UGT1A9: variants seen among roughly 807,000 people sequenced by gnomAD.
UGT1A9 encodes UDP glucuronosyltransferase family 1 member A9, also known as UDP-glucuronosyltransferase 1A9.
UGT1A9 carries 35 observed loss-of-function variants against 45.0 expected under a neutral mutation model. The ratio of observed to expected loss-of-function variants is 0.78; its 90% CI spans 0.59 to 1.03. UGT1A9 has a LOEUF of 1.03. Among genes scored for constraint, UGT1A9 ranks in the 50% least tolerant of loss-of-function variants. The probability of loss-of-function intolerance (pLI) is 0.00; values close to 1 mark genes in which losing one functional copy is unlikely to be tolerated. For synonymous variants in UGT1A9, 278 were observed against 250.6 expected (o/e 1.11, Z -1.03); for missense variants, 687 against 666.6 (o/e 1.03, Z -0.34).
intron 1 of UGT1A9, chr2:233,755,024 G>C (rs533329516): frequency 1.5e-6 from 2 of 1,306,520 alleles, no homozygotes; most frequent in Admixed American, 3.8e-5. Context: ...GGTCCTTGAA[G>C]GGCCTGCCGC....
In UGT1A9 at chr2:233,672,432, G is replaced by A. The variant is rs755127792; in HGVS notation, c.498G>A (p.Val166=). The A allele has an allele frequency of 4.2e-5, 68 of 1,613,756 alleles. No individual in the cohort carries two copies. The highest frequency in any genetic ancestry group is 5.4e-5 in the Non-Finnish European group (64 of 1,179,876). Residue 166 remains valine (V), a synonymous_variant, in exon 1 of 5, where the codon GTG becomes GTA. Transcript: ENST00000354728. Reference sequence around the variant, plus strand: ...CCAAATATTTCTCCCTCCCCTCCGTGGTCTTCGCCAGGGGAATACTTTGCC... The same window carrying A: ...CCAAATATTTCTCCCTCCCCTCCGTAGTCTTCGCCAGGGGAATACTTTGCC... ...IVAKYFSLPS[V]VFARGILCHY... is the part of the protein sequence containing the mutation.
At chr2:233,732,288 A>G (rs568891817) in intron 1 of UGT1A9, among the ~76,000 whole-genome samples, 10 of 152,250 alleles carry the variant, frequency 6.6e-5, no homozygotes, top group Non-Finnish European at 1.0e-4. Context: ...GAAGCTCTTT[A>G]GTTTAATTAG....
chr2:233,743,928 A>G, intron 1 of UGT1A9: 1 of 1,360,462 alleles, frequency 7.4e-7, no homozygotes. Context: ...CTGGATGGCC[A>G]GAACGGCCCA....
intron 1 of UGT1A9, chr2:233,741,833 G>A (rs1278091039): frequency 6.6e-6 from 1 of 151,848 alleles, no homozygotes; most frequent in Non-Finnish European, 1.5e-5. Flanking sequence ...ATCCAGTTCA[G>A]TTGCCTTTTG....
rs1358825451 is a variant in UGT1A9, at chr2:233,772,781, A to T, written c.*222A>T. ...TATCGTGCCCCCTCTGGTGTCTTTG[A>T]TCAGGATGACATGTGCCATTTTTCA... On this transcript the variant is annotated 3_prime_UTR_variant, in exon 5 of 5. Transcript: ENST00000354728. The T allele has an allele frequency of 2.3e-6, 3 of 1,287,486 alleles. No homozygotes were observed. Among genetic ancestry groups the T allele is most frequent in the Non-Finnish European group, 3.1e-6 (3 of 975,386 alleles). The allele number at this position is 1,287,486 out of a possible 1,614,324, so 79.8% of individuals were successfully genotyped here.
intron 1 of UGT1A9, chr2:233,682,805 C>G: frequency 6.3e-7 from 1 of 1,594,110 alleles, no homozygotes; most frequent in Non-Finnish European, 8.6e-7. Context: ...AAGTTATCTC[C>G]CCTTTAGCAC....
intron 1 of UGT1A9, chr2:233,713,413 T>C (rs749800314): frequency 6.2e-7 from 1 of 1,614,190 alleles, no homozygotes; most frequent in Non-Finnish European, 8.5e-7. Context: ...ATCAGGCACC[T>C]GCATGCTACT....
rs1249331325 is a variant in UGT1A9 at position 233,743,910 on chromosome 2, C to T, written c.856-23124C>T. ...GGCACGTCCAGCACCTCGTAGTAGT[C>T]CACCATGCTGGATGGCCAGAACGGC... On this transcript the variant is annotated intron_variant, in intron 1 of 4. Coordinates refer to ENST00000354728, the MANE Select transcript of UGT1A9 (RefSeq NM_021027.3). The T allele has an allele frequency of 1.3e-5, 18 of 1,365,836 alleles. No homozygotes were observed. In the South Asian group the frequency reaches 2.0e-4, roughly 16 times the overall value. The allele number at this position is 1,365,836 out of a possible 1,614,324, so 84.6% of individuals were successfully genotyped here.
At chr2:233,691,284 A>T (rs555799821) in intron 1 of UGT1A9, 2 of 985,524 alleles carry the variant, frequency 2.0e-6, no homozygotes, top group South Asian at 9.4e-5. Context: ...GACTTTGATC[A>T]TTGTAAGCTG....
At chr2:233,730,495 C>G (rs755045545) in intron 1 of UGT1A9, among the ~76,000 whole-genome samples, 1 of 152,092 alleles carries the variant, frequency 6.6e-6, no homozygotes, top group African/African-American at 2.4e-5. Context: ...ATAGAAGTGT[C>G]AGAGAGGTTG....
intron 1 of UGT1A9, among the ~76,000 whole-genome samples, chr2:233,762,044 CATTTTCCTTCATAGCACATCAAATA>C (rs1208875045): frequency 1.3e-5 from 2 of 152,198 alleles, no homozygotes; most frequent in East Asian, 1.9e-4. Context: ...ATTTTCTGTG[CATTTTCCTTCATAGCACATCAAATA>C]TGGCAGCCAT....
At chr2:233,693,263 C>A (rs2075141941) in intron 1 of UGT1A9, 2 of 1,613,974 alleles carry the variant, frequency 1.2e-6, no homozygotes, top group African/African-American at 2.7e-5. Flanking sequence ...CCAAGAAGAG[C>A]TGAAGAACCG....
Position 233,750,687 on chromosome 2 carries a change from G to T in UGT1A9, c.856-16347G>T, listed in dbSNP as rs1349099199. On this transcript the variant is annotated intron_variant, in intron 1 of 4. Coordinates refer to ENST00000354728, the MANE Select transcript of UGT1A9 (RefSeq NM_021027.3). The stretch of plus-strand genomic sequence containing the variant: ...CTGTGTCCCAGTGGCTCCAGCCATG[G>T]CTAAAAGAGGCCAAGGTAGAGCTCA... The T allele has an allele frequency of 2.6e-5, 4 of 151,974 alleles. No individual in the cohort carries two copies. In the South Asian group the frequency reaches 6.2e-4, roughly 24 times the overall value. 9.4% of individuals were successfully genotyped at this position (151,974 alleles called of 1,614,324 possible). A position where few individuals can be genotyped will look rare whatever the true frequency, so the allele number is the denominator to read the frequency against.
At chr2:233,694,307 T>TG (rs2075212609) in intron 1 of UGT1A9, among the ~76,000 whole-genome samples, 1 of 151,966 alleles carries the variant, frequency 6.6e-6, no homozygotes, top group African/African-American at 2.4e-5. Flanking sequence ...GTTTTTTGTT[T>TG]TTTTTTTTCC....
chr2:233,730,580 A>G (rs954835717), intron 1 of UGT1A9, among the ~76,000 whole-genome samples: 1 of 152,190 alleles, frequency 6.6e-6, no homozygotes, highest in Admixed American at 6.5e-5. Flanking sequence ...TTCAGTTTCC[A>G]GACAGGGATC....
intron 1 of UGT1A9, chr2:233,752,552 G>A (rs942776893): frequency 6.6e-6 from 1 of 152,002 alleles, no homozygotes; most frequent in South Asian, 2.1e-4. Context: ...GCTCTTGCTG[G>A]GACAACATAG....
At chr2:233,720,301 T>C (rs1312639671) in intron 1 of UGT1A9, among the ~76,000 whole-genome samples, 1 of 151,768 alleles carries the variant, frequency 6.6e-6, no homozygotes, top group Non-Finnish European at 1.5e-5. Flanking sequence ...GAGTTGGGGG[T>C]CTGGTGTATG....
At chr2:233,696,056 A>T (rs1035771906) in intron 1 of UGT1A9, among the ~76,000 whole-genome samples, 12 of 152,254 alleles carry the variant, frequency 7.9e-5, no homozygotes, top group Non-Finnish European at 1.6e-4. Flanking sequence ...AATGTAAATT[A>T]GTACAGCCAC....
chr2:233,761,169 A>C, intron 1 of UGT1A9: 1 of 1,614,188 alleles, frequency 6.2e-7, no homozygotes, highest in Non-Finnish European at 8.5e-7. Flanking sequence ...TTGGAGTGGG[A>C]CTTTTACATG....
Sources: gnomAD v4.1 joint callset for allele counts (sites outside exome capture counted in the v4.1 genomes callset) on GRCh38, gnomAD v4.1.1 for gene constraint, MANE v1.5 for transcripts, NCBI Gene and HGNC (gene_info 2026-07-23, HGNC 2026-07-21) for gene names.